Variants in KLF12 observed in about 807,000 individuals in gnomAD.
KLF12 encodes KLF transcription factor 12.
A neutral mutation model predicts 37.8 loss-of-function variants in KLF12; 9 were observed. The observed-to-expected ratio is 0.24, with a 90% CI of 0.14 to 0.42. The LOEUF (loss-of-function observed/expected upper bound fraction) is 0.42, where lower values mean the gene tolerates loss of function less well. Ranked by LOEUF, KLF12 falls within the 10% of genes least tolerant of loss-of-function variation. The probability of loss-of-function intolerance (pLI) is 1.00; values close to 1 mark genes in which losing one functional copy is unlikely to be tolerated. For synonymous variants in KLF12, 208 were observed against 202.1 expected (o/e 1.03, Z -0.25); for missense variants, 411 against 516.0 (o/e 0.80, Z 1.97).
the KLF12 span, among the ~76,000 whole-genome samples, chr13:74,158,600 A>G: frequency 1.6e-3 from 247 of 152,320 alleles, 1 homozygote; most frequent in African/African-American, 5.2e-3. Context: ...TCTTGGGGTA[A>G]TCATGGGAAA....
At chr13:73,785,915 T>A (rs534875068) in intron 5 of KLF12, among the ~76,000 whole-genome samples, 2 of 152,262 alleles carry the variant, frequency 1.3e-5, no homozygotes, top group East Asian at 3.9e-4. Flanking sequence ...CAGCATTCCT[T>A]CCAGCCCCCT....
rs71115631 is a variant in KLF12 at position 74,045,628 on chromosome 13, GAA to G, written c.-31-50577_-31-50576del. On this transcript the variant is annotated intron_variant, in intron 1 of 7. Transcript: ENST00000377669. ...ATTTGATTACAGCATTGACGAAAAT[GAA>G]AAAAAAAAAAAAATAGATCCCCAGC... Among the ~76,000 whole-genome samples, 1,136 of 146,632 alleles carry G rather than the reference GAA, an allele frequency of 7.7e-3. 17 individuals carry two copies. The highest frequency in any genetic ancestry group is 0.023 in the African/African-American group (913 of 39,982).
At chr13:73,985,874 G>A (rs575995024) in intron 2 of KLF12, among the ~76,000 whole-genome samples, 1 of 152,058 alleles carries the variant, frequency 6.6e-6, no homozygotes, top group Non-Finnish European at 1.5e-5. Flanking sequence ...AAATCTAAAG[G>A]ATCTCACTAC....
intron 6 of KLF12, among the ~76,000 whole-genome samples, chr13:73,756,746 C>T (rs1379752127): frequency 6.6e-6 from 1 of 152,026 alleles, no homozygotes; most frequent in African/African-American, 2.4e-5. Context: ...GGATTGTAAC[C>T]AAGGGCTGGG....
At chr13:74,183,732 T>G in the KLF12 span, among the ~76,000 whole-genome samples, 1 of 152,118 alleles carries the variant, frequency 6.6e-6, no homozygotes, top group African/African-American at 2.4e-5. Context: ...GTCCAGGAGT[T>G]AGAGACCAGC....
At chr13:74,056,610 G>T (rs965540102) in intron 1 of KLF12, among the ~76,000 whole-genome samples, 1 of 152,106 alleles carries the variant, frequency 6.6e-6, no homozygotes, top group Non-Finnish European at 1.5e-5. Context: ...CTACAAATAG[G>T]CTCAGAAAAG....
the KLF12 span, among the ~76,000 whole-genome samples, chr13:74,219,064 C>A: frequency 7.9e-5 from 12 of 151,526 alleles, no homozygotes; most frequent in Non-Finnish European, 1.3e-4. Flanking sequence ...TCAAGTGATT[C>A]TCCTGCCTCA....
At chr13:73,832,388 C>T (rs1201279929) in intron 4 of KLF12, among the ~76,000 whole-genome samples, 2 of 152,154 alleles carry the variant, frequency 1.3e-5, no homozygotes, top group Non-Finnish European at 2.9e-5. Context: ...GATTTACAAC[C>T]TAGGCCTCTA....
intron 7 of KLF12, among the ~76,000 whole-genome samples, chr13:73,712,764 C>G (rs1451509502): frequency 6.6e-6 from 1 of 152,192 alleles, no homozygotes; most frequent in Non-Finnish European, 1.5e-5. Flanking sequence ...AACACAGAGG[C>G]AAGACCCTCC....
At chr13:74,139,118 T>C in the KLF12 span, among the ~76,000 whole-genome samples, 3 of 152,182 alleles carry the variant, frequency 2.0e-5, no homozygotes, top group Non-Finnish European at 4.4e-5. Flanking sequence ...AATAACATTT[T>C]CCCCACATTG....
At chr13:74,179,740 G>C in the KLF12 span, among the ~76,000 whole-genome samples, 1 of 152,136 alleles carries the variant, frequency 6.6e-6, no homozygotes, top group Non-Finnish European at 1.5e-5. Flanking sequence ...CTAGAAAACC[G>C]ACAGCTTTAT....
At chr13:73,741,193 GGA>G (rs951199856) in intron 6 of KLF12, among the ~76,000 whole-genome samples, 2 of 152,078 alleles carry the variant, frequency 1.3e-5, no homozygotes, top group African/African-American at 4.8e-5. Flanking sequence ...GCATCTTATA[GGA>G]GAGAAAACCC....
intron 3 of KLF12, among the ~76,000 whole-genome samples, chr13:73,863,138 T>TAA (rs1019180029): frequency 3.9e-5 from 6 of 152,146 alleles, no homozygotes; most frequent in African/African-American, 1.2e-4. Flanking sequence ...TTGTATTTCT[T>TAA]AAACACATGC....
intron 5 of KLF12, among the ~76,000 whole-genome samples, chr13:73,794,515 G>T (rs1464195560): frequency 2.6e-5 from 4 of 152,078 alleles, no homozygotes; most frequent in African/African-American, 9.7e-5. Context: ...ATACCTGTGG[G>T]TATAGTTTAG....
intron 5 of KLF12, among the ~76,000 whole-genome samples, chr13:73,793,935 G>C (rs1881824151): frequency 6.6e-6 from 1 of 152,130 alleles, no homozygotes; most frequent in Non-Finnish European, 1.5e-5. Context: ...TTACACAGGA[G>C]GGCTCAGGTT....
chr13:73,941,294 T>G (rs1890175758), intron 3 of KLF12, among the ~76,000 whole-genome samples: 1 of 152,166 alleles, frequency 6.6e-6, no homozygotes, highest in Admixed American at 6.5e-5. Flanking sequence ...TGGTGGCACA[T>G]GTCTATAACC....
intron 3 of KLF12, among the ~76,000 whole-genome samples, chr13:73,900,038 C>T (rs373080447): frequency 4.4e-4 from 67 of 152,100 alleles, no homozygotes; most frequent in African/African-American, 1.6e-3. Context: ...GTTAAATAGA[C>T]AAAAGTCACT....
At chr13:74,072,364 A>AATATATAC (rs1874303750) in intron 1 of KLF12, among the ~76,000 whole-genome samples, 1 of 63,064 alleles carries the variant, frequency 1.6e-5, no homozygotes, top group Non-Finnish European at 3.2e-5. Context: ...AAGAAATACA[A>AATATATAC]ATATATATAT....
the KLF12 span, among the ~76,000 whole-genome samples, chr13:74,286,129 G>A: frequency 2.0e-5 from 3 of 152,178 alleles, no homozygotes; most frequent in Non-Finnish European, 4.4e-5. Flanking sequence ...AATGCTGAAT[G>A]TTGATAGCAG....
Sources: gnomAD v4.1 joint callset for allele counts (sites outside exome capture counted in the v4.1 genomes callset) on GRCh38, gnomAD v4.1.1 for gene constraint, MANE v1.5 for transcripts, NCBI Gene and HGNC (gene_info 2026-07-23, HGNC 2026-07-21) for gene names.